The following RBFOX1 variants were observed in gnomAD, a reference collection of about 807,000 sequenced individuals.
The protein encoded by RBFOX1 is RNA binding fox-1 homolog 1.
A neutral mutation model predicts 57.7 loss-of-function variants in RBFOX1; 8 were observed. The ratio of observed to expected loss-of-function variants is 0.14; its 90% CI spans 0.08 to 0.25. The LOEUF (loss-of-function observed/expected upper bound fraction) is 0.25, where lower values mean the gene tolerates loss of function less well. Ranked by LOEUF, RBFOX1 falls within the 10% of genes least tolerant of loss-of-function variation. RBFOX1 has a pLI of 1.00. For missense variants in RBFOX1, 611 were observed against 548.5 expected, an observed-to-expected ratio of 1.11 and a Z score of -1.14; for synonymous variants, 326 against 222.4, an observed-to-expected ratio of 1.47 and a Z score of -4.15.
At position 5,667,174 on chromosome 16, in the gene RBFOX1, C is replaced by T. The variant is rs181651834; in HGVS notation, c.318+68213C>T. On this transcript the variant is annotated intron_variant, in intron 3 of 19. Coordinates refer to the RBFOX1 transcript ENST00000641259. ...TTGTTGCTTACTTAGTTTTTGGCTT[C>T]ATTAACATTTTGTTTTCTCTTTATT... Among the ~76,000 whole-genome samples the T allele has an allele frequency of 5.8e-4, 88 of 152,246 alleles. 2 individuals are homozygous for T. The highest frequency in any genetic ancestry group is 5.6e-3 in the Admixed American group (86 of 15,298).
At chr16:5,255,179 A>G (rs1424526803) in intron 1 of RBFOX1, among the ~76,000 whole-genome samples, 7 of 152,170 alleles carry the variant, frequency 4.6e-5, no homozygotes, top group Non-Finnish European at 1.5e-5. Context: ...ACCCATAATC[A>G]TGAGTATTAC....
At chr16:6,431,299 A>G (rs1047748061) in intron 2 of RBFOX1, among the ~76,000 whole-genome samples, 2 of 152,010 alleles carry the variant, frequency 1.3e-5, no homozygotes, top group African/African-American at 2.4e-5. Flanking sequence ...GCAAAGAGTC[A>G]AGAAGGATAC....
At chr16:6,537,734 A>G (rs2096754806) in intron 2 of RBFOX1, among the ~76,000 whole-genome samples, 2 of 152,190 alleles carry the variant, frequency 1.3e-5, no homozygotes, top group African/African-American at 2.4e-5. Flanking sequence ...AAGGTTTTAT[A>G]GCAGATAAGA....
At chr16:5,717,101 T>C (rs1395680123) in intron 3 of RBFOX1, among the ~76,000 whole-genome samples, 3 of 152,190 alleles carry the variant, frequency 2.0e-5, no homozygotes, top group African/African-American at 7.2e-5. Flanking sequence ...CTTTTCTGTC[T>C]GAGAAGGTCA....
intron 3 of RBFOX1, among the ~76,000 whole-genome samples, chr16:6,741,267 A>G (rs1432094977): frequency 2.0e-5 from 3 of 152,236 alleles, no homozygotes; most frequent in African/African-American, 7.2e-5. Context: ...ACATAAAACT[A>G]TAAAACTTTC....
chr16:7,127,219 C>T (rs9936520), intron 4 of RBFOX1, among the ~76,000 whole-genome samples: 17,162 of 152,026 alleles, frequency 0.11, 1,141 homozygotes, highest in East Asian at 0.21. Context: ...AGCATAAAAT[C>T]GTTATTCAGC....
intron 3 of RBFOX1, among the ~76,000 whole-genome samples, chr16:6,926,434 C>T (rs749778952): frequency 1.1e-4 from 16 of 152,198 alleles, no homozygotes; most frequent in Non-Finnish European, 2.4e-4. Context: ...AGAATTTCCC[C>T]TGCCTCCTGA....
At chr16:7,709,213 T>G in intron 15 of RBFOX1, 82 bp downstream of exon 15, 2 of 1,277,070 alleles carry the variant, frequency 1.6e-6, no homozygotes, top group Non-Finnish European at 2.2e-6. Context: ...CGGGTTGACG[T>G]CCTCTCACTT....
At chr16:7,464,594 G>A (rs554496968) in intron 4 of RBFOX1, among the ~76,000 whole-genome samples, 5 of 151,016 alleles carry the variant, frequency 3.3e-5, no homozygotes, top group South Asian at 2.1e-4. Context: ...TCTCCATTTC[G>A]TCTTCTGTTA....
intron 3 of RBFOX1, among the ~76,000 whole-genome samples, chr16:5,660,598 C>T (rs1280235892): frequency 6.6e-6 from 1 of 152,104 alleles, no homozygotes; most frequent in Non-Finnish European, 1.5e-5. Context: ...TTATGGTTGC[C>T]GTTTGCTCTG....
chr16:5,888,751 C>T (rs1014679248), intron 4 of RBFOX1, among the ~76,000 whole-genome samples: 16 of 145,180 alleles, frequency 1.1e-4, no homozygotes, highest in African/African-American at 3.4e-4. Context: ...AGGTTGCGAT[C>T]GTGCCACTGC....
chr16:7,504,095 A>G (rs1227460474), intron 4 of RBFOX1, among the ~76,000 whole-genome samples: 1 of 152,188 alleles, frequency 6.6e-6, no homozygotes, highest in East Asian at 1.9e-4. Flanking sequence ...AATGGCAGTC[A>G]TAGGCTAGGC....
At chr16:5,789,962 C>A (rs9923198) in intron 3 of RBFOX1, among the ~76,000 whole-genome samples, 1 of 152,120 alleles carries the variant, frequency 6.6e-6, no homozygotes, top group Admixed American at 6.5e-5. Context: ...ACAGATAGAC[C>A]TCTACACCTC....
chr16:5,736,987 G>T (rs1360784741), intron 3 of RBFOX1, among the ~76,000 whole-genome samples: 1 of 143,512 alleles, frequency 7.0e-6, no homozygotes, highest in Non-Finnish European at 1.5e-5. Flanking sequence ...ATCTTTCTCT[G>T]ATTCTGTTTC....
At chr16:5,651,583 C>T (rs984815011) in intron 3 of RBFOX1, among the ~76,000 whole-genome samples, 1 of 152,148 alleles carries the variant, frequency 6.6e-6, no homozygotes, top group Admixed American at 6.5e-5. Context: ...ATGAGCACCC[C>T]GTCCTGTCCT....
At chr16:7,697,281 C>G (rs1047641214) in intron 14 of RBFOX1, among the ~76,000 whole-genome samples, 1 of 152,150 alleles carries the variant, frequency 6.6e-6, no homozygotes. Flanking sequence ...ACAGGACATA[C>G]TGGCAGATTA....
At chr16:6,666,553 A>C (rs1162130375) in intron 3 of RBFOX1, among the ~76,000 whole-genome samples, 2 of 151,456 alleles carry the variant, frequency 1.3e-5, no homozygotes, top group South Asian at 2.1e-4. Flanking sequence ...AAAAAAAAAA[A>C]AAAAACAAAT....
chr16:5,687,008 C>A (rs1469696262), intron 3 of RBFOX1, among the ~76,000 whole-genome samples: 1 of 152,150 alleles, frequency 6.6e-6, no homozygotes, highest in African/African-American at 2.4e-5. Flanking sequence ...GGTACGGATA[C>A]CCATGCTGCG....
intron 2 of RBFOX1, among the ~76,000 whole-genome samples, chr16:6,465,817 G>C (rs1029085318): frequency 6.7e-6 from 1 of 148,496 alleles, no homozygotes; most frequent in East Asian, 2.0e-4. Flanking sequence ...TGTTGATTTA[G>C]GCTACAGTTT....
Sources: gnomAD v4.1 joint callset for allele counts (sites outside exome capture counted in the v4.1 genomes callset) on GRCh38, gnomAD v4.1.1 for gene constraint, MANE v1.5 for transcripts, NCBI Gene and HGNC (gene_info 2026-07-23, HGNC 2026-07-21) for gene names.